The following OPCML variants were observed in gnomAD, a reference collection of about 807,000 sequenced individuals.
OPCML encodes the protein opioid binding protein/cell adhesion molecule like.
Under a neutral mutation model 37.8 loss-of-function variants are expected in OPCML, and 13 were observed. The ratio of observed to expected loss-of-function variants is 0.34; its 90% CI spans 0.22 to 0.55. OPCML has a LOEUF of 0.55. Among genes scored for constraint, OPCML ranks in the 20% least tolerant of loss-of-function variants. The probability of loss-of-function intolerance (pLI) is 0.91; values close to 1 mark genes in which losing one functional copy is unlikely to be tolerated. For synonymous variants in OPCML, 176 were observed against 168.8 expected, an observed-to-expected ratio of 1.04 and a Z score of -0.33; for missense variants, 341 against 435.6, an observed-to-expected ratio of 0.78 and a Z score of 1.93.
chr11:133,083,214 C>G (rs1367728415), intron 1 of OPCML, among the ~76,000 whole-genome samples: 1 of 152,216 alleles, frequency 6.6e-6, no homozygotes, highest in African/African-American at 2.4e-5. Context: ...GCTTTGCTGC[C>G]TTTCCCGCGG....
chr11:132,420,394 C>A, intron 7 of OPCML, 101 bp from the exon 8 acceptor site: 1 of 1,491,136 alleles, frequency 6.7e-7, no homozygotes, highest in South Asian at 1.4e-5. Context: ...CACCTTCCAC[C>A]CTTCCGCTGA....
chr11:132,962,996 C>G (rs1011692114), intron 1 of OPCML, among the ~76,000 whole-genome samples: 6 of 152,122 alleles, frequency 3.9e-5, no homozygotes, highest in African/African-American at 1.4e-4. Flanking sequence ...ATAGAGGAAT[C>G]TCTGAATGGG....
intron 2 of OPCML, among the ~76,000 whole-genome samples, chr11:132,778,953 G>T (rs1946898711): frequency 1.4e-5 from 2 of 143,254 alleles, no homozygotes; most frequent in Admixed American, 7.0e-5. Context: ...CACTGAGGTG[G>T]TATATTTCTT....
intron 1 of OPCML, among the ~76,000 whole-genome samples, chr11:133,320,994 C>T (rs1022760604): frequency 2.0e-5 from 3 of 152,140 alleles, no homozygotes; most frequent in African/African-American, 7.2e-5. Flanking sequence ...AAACAGGAGA[C>T]AGCTGGAGTC....
chr11:133,093,651 T>C (rs1280906406), intron 1 of OPCML, among the ~76,000 whole-genome samples: 4 of 152,216 alleles, frequency 2.6e-5, no homozygotes, highest in Non-Finnish European at 5.9e-5. Flanking sequence ...TAGGCATTCA[T>C]TAACTGTAGC....
chr11:132,602,014 C>T (rs1937951904), intron 3 of OPCML, among the ~76,000 whole-genome samples: 1 of 152,150 alleles, frequency 6.6e-6, no homozygotes, highest in Admixed American at 6.5e-5. Flanking sequence ...CAAAAAGACA[C>T]TGTTCTCACA....
chr11:132,695,054 G>A (rs1315530593), intron 2 of OPCML, among the ~76,000 whole-genome samples: 2 of 152,188 alleles, frequency 1.3e-5, no homozygotes, highest in Non-Finnish European at 2.9e-5. Context: ...CAGCATGTGC[G>A]TTTTATCACT....
At chr11:133,005,058 T>C (rs1237530416) in intron 1 of OPCML, 2 of 985,246 alleles carry the variant, frequency 2.0e-6, no homozygotes, top group African/African-American at 1.7e-5. Flanking sequence ...GAAGCTTTCA[T>C]GAATGCCACA....
intron 1 of OPCML, among the ~76,000 whole-genome samples, chr11:133,325,397 T>TTG (rs1430332566): frequency 6.6e-6 from 1 of 152,240 alleles, no homozygotes; most frequent in African/African-American, 2.4e-5. Context: ...TGTTGCTAGC[T>TTG]TGTTAACTTC....
At chr11:132,755,125 C>T (rs1436238330) in intron 2 of OPCML, among the ~76,000 whole-genome samples, 1 of 152,140 alleles carries the variant, frequency 6.6e-6, no homozygotes, top group African/African-American at 2.4e-5. Flanking sequence ...TCAAAATGGT[C>T]TAATATTGAC....
At chr11:133,289,722 G>T (rs139544632) in intron 1 of OPCML, among the ~76,000 whole-genome samples, 2 of 152,152 alleles carry the variant, frequency 1.3e-5, no homozygotes, top group African/African-American at 2.4e-5. Context: ...TTGAGACAGC[G>T]GTGCTGAACT....
At chr11:133,444,913 C>A in intron 1 of OPCML, among the ~76,000 whole-genome samples, 1 of 145,910 alleles carries the variant, frequency 6.9e-6, no homozygotes, top group East Asian at 2.2e-4. Context: ...CACACCATAT[C>A]CATGGTGATC....
rs994872797 is a variant in OPCML, at chr11:132,942,941, T to C, written c.131A>G (p.Glu44Gly). The C allele has an allele frequency of 2.5e-6, 4 of 1,613,632 alleles. No individual in the cohort carries two copies. Among genetic ancestry groups the C allele is most frequent in the Admixed American group, 3.3e-5 (2 of 59,968 alleles). ...AGCTCCCTACCTGAGGGTGGCGCTC[T>C]CCCCCTGCCGGACCGTCACGTTGTC... Reference protein sequence around the residue: ...AMDNVTVRQGESATLRCTIDD... With the variant: ...AMDNVTVRQGGSATLRCTIDD... Residue 44 changes from glutamate to glycine, a missense_variant, in exon 2 of 8, where the codon GAG becomes GGG. Transcript: ENST00000524381.
intron 1 of OPCML, among the ~76,000 whole-genome samples, chr11:133,252,304 C>T (rs1236957901): frequency 6.6e-6 from 1 of 152,150 alleles, no homozygotes; most frequent in Non-Finnish European, 1.5e-5. Context: ...TTAACATTAA[C>T]GTTTCATCCA....
chr11:132,690,392 A>G (rs1287224836), intron 2 of OPCML, among the ~76,000 whole-genome samples: 2 of 152,246 alleles, frequency 1.3e-5, no homozygotes, highest in Admixed American at 6.5e-5. Context: ...GATAATGCTT[A>G]TGCTGCTGGT....
chr11:132,437,989 A>C (rs1050558400), intron 4 of OPCML, among the ~76,000 whole-genome samples: 1 of 152,260 alleles, frequency 6.6e-6, no homozygotes, highest in African/African-American at 2.4e-5. Flanking sequence ...TGGCCAACAC[A>C]AATGTGATAG....
At chr11:133,248,521 T>C (rs796483805) in intron 1 of OPCML, among the ~76,000 whole-genome samples, 5 of 152,272 alleles carry the variant, frequency 3.3e-5, no homozygotes, top group African/African-American at 1.2e-4. Flanking sequence ...AGCCATAACT[T>C]TCTAGTGATA....
chr11:133,335,254 A>G lies in OPCML; in HGVS notation c.61+197010T>C, dbSNP rs186582059. 4.6e-5 allele frequency among the ~76,000 whole-genome samples: 7 copies of G among 152,346 alleles called. No individual in the cohort carries two copies. In the East Asian group the frequency reaches 1.4e-3, roughly 29 times the overall value. ...CTTCATTTTATAATAAAGGAAGCTC[A>G]GGCTGAAAGGCTGTGATTTCCCCAA... On this transcript the variant is annotated intron_variant, in intron 1 of 7. Transcript: ENST00000524381.
chr11:132,572,095 C>G (rs1274445407), intron 3 of OPCML, among the ~76,000 whole-genome samples: 2 of 149,782 alleles, frequency 1.3e-5, no homozygotes, highest in African/African-American at 4.9e-5. Flanking sequence ...GTATTTAGCC[C>G]ATTTTTAAAT....
Sources: gnomAD v4.1 joint callset for allele counts (sites outside exome capture counted in the v4.1 genomes callset) on GRCh38, gnomAD v4.1.1 for gene constraint, MANE v1.5 for transcripts, NCBI Gene and HGNC (gene_info 2026-07-23, HGNC 2026-07-21) for gene names.